ELP4: variants seen among roughly 807,000 people sequenced by gnomAD.
ELP4 encodes the protein elongator acetyltransferase complex subunit 4.
A neutral mutation model predicts 48.9 loss-of-function variants in ELP4; 51 were observed. The observed-to-expected ratio is 1.04, with a 90% CI of 0.83 to 1.32. ELP4 has a LOEUF of 1.32. ELP4 is among the 40% of genes most tolerant of loss of function. The probability of loss-of-function intolerance (pLI) is 0.00; values close to 1 mark genes in which losing one functional copy is unlikely to be tolerated. For synonymous variants in ELP4, 210 were observed against 189.2 expected (o/e 1.11, Z -0.90); for missense variants, 519 against 514.6 (o/e 1.01, Z -0.08).
intron 2 of ELP4, among the ~76,000 whole-genome samples, chr11:31,538,315 T>C (rs1219024151): frequency 6.7e-6 from 1 of 148,480 alleles, no homozygotes. Context: ...ATTACAGTAA[T>C]GACAATATAA....
intron 9 of ELP4, among the ~76,000 whole-genome samples, chr11:31,770,587 C>T (rs567301114): frequency 6.9e-6 from 1 of 144,704 alleles, no homozygotes; most frequent in Non-Finnish European, 1.5e-5. Flanking sequence ...AAAATAGAAA[C>T]TAAAAGTAAA....
At chr11:31,738,302 T>C (rs1380195276) in intron 9 of ELP4, among the ~76,000 whole-genome samples, 1 of 148,158 alleles carries the variant, frequency 6.7e-6, no homozygotes, top group East Asian at 2.0e-4. Flanking sequence ...TAGTCCCAGC[T>C]ACTCAGGAGG....
At chr11:31,630,809 G>T (rs887714203) in intron 6 of ELP4, among the ~76,000 whole-genome samples, 6 of 152,026 alleles carry the variant, frequency 3.9e-5, no homozygotes, top group East Asian at 3.9e-4. Context: ...GCTAGATCTG[G>T]TGGCACATGC....
chr11:31,662,786 C>T (rs1367844717), intron 9 of ELP4: 1 of 381,886 alleles, frequency 2.6e-6, no homozygotes, highest in Non-Finnish European at 4.6e-6. Context: ...GACAAAATAC[C>T]TAGATTTTTC....
intron 9 of ELP4, among the ~76,000 whole-genome samples, chr11:31,675,556 C>A (rs1469861350): frequency 1.3e-5 from 2 of 152,092 alleles, no homozygotes; most frequent in Non-Finnish European, 2.9e-5. Context: ...CCACCGCGCC[C>A]AGCTACATTT....
At chr11:31,633,142 A>G (rs1295839681) in intron 7 of ELP4, 1 of 152,144 alleles carries the variant, frequency 6.6e-6, no homozygotes, top group Non-Finnish European at 1.5e-5. Context: ...TGTTAAATGA[A>G]TATTGAATCT....
At chr11:31,717,762 A>C (rs1946871204) in intron 9 of ELP4, among the ~76,000 whole-genome samples, 1 of 152,154 alleles carries the variant, frequency 6.6e-6, no homozygotes, top group Non-Finnish European at 1.5e-5. Flanking sequence ...TCAAAAAAAA[A>C]AAAAAGAATT....
At chr11:31,618,515 G>T (rs545722679) in intron 5 of ELP4, among the ~76,000 whole-genome samples, 6 of 152,072 alleles carry the variant, frequency 3.9e-5, no homozygotes, top group Non-Finnish European at 7.4e-5. Context: ...GCCCATGATG[G>T]TGGAGCCCTT....
Position 31,650,226 on chromosome 11 carries a change from G to C in ELP4, c.1143+5G>C, listed in dbSNP as rs1183224785. 2 of 978,304 alleles carry C rather than the reference G, an allele frequency of 2.0e-6. No individual in the cohort carries two copies. Among genetic ancestry groups the C allele is most frequent in the Admixed American group, 2.1e-5 (1 of 48,022 alleles). 60.6% of individuals were successfully genotyped at this position (978,304 alleles called of 1,614,324 possible). A position where few individuals can be genotyped will look rare whatever the true frequency, so the allele number is the denominator to read the frequency against. On this transcript the variant is annotated splice_donor_5th_base_variant and intron_variant, in intron 9 of 9. Transcript: ENST00000640961. Reference sequence around the variant, plus strand: ...AGGAAGCTATTCACCATTGAGGTAAGAGAATTTTTATGTTTTAGTTTACAA... The same window carrying C: ...AGGAAGCTATTCACCATTGAGGTAACAGAATTTTTATGTTTTAGTTTACAA...
At chr11:31,668,610 G>A (rs183396186) in intron 9 of ELP4, among the ~76,000 whole-genome samples, 6 of 149,040 alleles carry the variant, frequency 4.0e-5, no homozygotes, top group Non-Finnish European at 5.9e-5. Flanking sequence ...ATAGGTGTTC[G>A]CCACCGCACC....
At chr11:31,762,073 T>A (rs1947956767) in intron 9 of ELP4, 1 of 152,198 alleles carries the variant, frequency 6.6e-6, no homozygotes, top group Admixed American at 6.5e-5. Flanking sequence ...GGAGGATACT[T>A]GAAAAGCTAG....
chr11:31,614,935 T>C (rs1444604692), intron 5 of ELP4, among the ~76,000 whole-genome samples: 1 of 152,092 alleles, frequency 6.6e-6, no homozygotes, highest in Non-Finnish European at 1.5e-5. Flanking sequence ...AGCTATTTCG[T>C]TTTGCTGTAT....
At chr11:31,726,384 G>GA (rs1947076117) in intron 9 of ELP4, among the ~76,000 whole-genome samples, 1 of 152,122 alleles carries the variant, frequency 6.6e-6, no homozygotes. Context: ...ATTTAAAAAG[G>GA]AAGAAATAAA....
At chr11:31,752,563 G>A (rs866509856) in intron 9 of ELP4, among the ~76,000 whole-genome samples, 3 of 152,032 alleles carry the variant, frequency 2.0e-5, no homozygotes, top group Non-Finnish European at 2.9e-5. Context: ...GGCCGGGTGC[G>A]GTGGCTCACG....
intron 2 of ELP4, among the ~76,000 whole-genome samples, chr11:31,534,921 A>G (rs1400995193): frequency 6.6e-6 from 1 of 152,204 alleles, no homozygotes; most frequent in Non-Finnish European, 1.5e-5. Context: ...TAGTTATACA[A>G]AGTAAGCAAT....
intron 7 of ELP4, among the ~76,000 whole-genome samples, chr11:31,636,798 G>T (rs1197973815): frequency 6.6e-6 from 1 of 151,744 alleles, no homozygotes; most frequent in Non-Finnish European, 1.5e-5. Flanking sequence ...GGAAAAAAAT[G>T]GCAAGCATAC....
At chr11:31,640,842 G>GAA (rs1945081127) in intron 7 of ELP4, among the ~76,000 whole-genome samples, 1 of 151,928 alleles carries the variant, frequency 6.6e-6, no homozygotes, top group Non-Finnish European at 1.5e-5. Context: ...GCCACTGTAA[G>GAA]AAAGTCCTGA....
At chr11:31,659,005 T>G (rs1271665779) in intron 9 of ELP4, among the ~76,000 whole-genome samples, 1 of 152,046 alleles carries the variant, frequency 6.6e-6, no homozygotes, top group Non-Finnish European at 1.5e-5. Context: ...CTTTTATTGA[T>G]GAATATTATG....
At chr11:31,550,014 T>C (rs375008706) in intron 3 of ELP4, among the ~76,000 whole-genome samples, 2 of 152,134 alleles carry the variant, frequency 1.3e-5, no homozygotes, top group East Asian at 3.9e-4. Context: ...AGGGATAGCA[T>C]TGGGAGATAT....
Sources: allele counts gnomAD v4.1 joint callset (sites outside exome capture counted in the v4.1 genomes callset), GRCh38; gene constraint gnomAD v4.1.1; transcripts MANE v1.5; gene names NCBI Gene and HGNC (gene_info 2026-07-23, HGNC 2026-07-21).